Variants in REDIC1 observed in about 807,000 individuals in gnomAD.
The protein encoded by REDIC1 is regulator of DNA class I crossover intermediates 1, also known as HEI10 Interacting Protein 1.
chr12:39,774,006 G>C, the REDIC1 span, among the ~76,000 whole-genome samples: 2 of 152,098 alleles, frequency 1.3e-5, no homozygotes, highest in Admixed American at 1.3e-4. Context: ...GATTTTTCTG[G>C]ACAAGGTCCC....
the REDIC1 span, among the ~76,000 whole-genome samples, chr12:39,728,244 G>C: frequency 6.6e-6 from 1 of 152,148 alleles, no homozygotes; most frequent in Non-Finnish European, 1.5e-5. Flanking sequence ...AATGCTTCCA[G>C]CTTTTGCCCA....
chr12:39,896,574 ATG>A, the REDIC1 span, among the ~76,000 whole-genome samples: 36,559 of 137,226 alleles, frequency 0.27, 5,383 homozygotes, highest in East Asian at 0.62. Context: ...ATATGTATGT[ATG>A]TGTGTATATA....
chr12:39,704,413 C>A, the REDIC1 span, among the ~76,000 whole-genome samples: 1 of 152,058 alleles, frequency 6.6e-6, no homozygotes, highest in African/African-American at 2.4e-5. Flanking sequence ...ATTAAAAAGT[C>A]AGGAAACAAC....
At chr12:39,796,554 G>A in the REDIC1 span, among the ~76,000 whole-genome samples, 5 of 152,000 alleles carry the variant, frequency 3.3e-5, no homozygotes, top group Admixed American at 3.3e-4. Context: ...CCCATGAGCT[G>A]GGAGCTGGCA....
chr12:39,719,487 G>T, the REDIC1 span, among the ~76,000 whole-genome samples: 1 of 151,734 alleles, frequency 6.6e-6, no homozygotes, highest in Admixed American at 6.6e-5. Context: ...GGTGGCGTGT[G>T]CCTATGGTCC....
At chr12:39,897,309 T>C in the REDIC1 span, among the ~76,000 whole-genome samples, 2 of 152,156 alleles carry the variant, frequency 1.3e-5, no homozygotes, top group Non-Finnish European at 2.9e-5. Context: ...GCACAGACTA[T>C]CTGAAAGATA....
the REDIC1 span, among the ~76,000 whole-genome samples, chr12:39,667,191 C>G: frequency 2.0e-5 from 3 of 152,124 alleles, no homozygotes; most frequent in Admixed American, 1.3e-4. Context: ...CCTGCTTTCT[C>G]TTGTGGGCAT....
chr12:39,735,989 A>G, the REDIC1 span, among the ~76,000 whole-genome samples: 1 of 152,250 alleles, frequency 6.6e-6, no homozygotes, highest in Admixed American at 6.5e-5. Flanking sequence ...AAGGGGACAG[A>G]GACAGACCAT....
the REDIC1 span, among the ~76,000 whole-genome samples, chr12:39,701,505 C>T: frequency 6.6e-6 from 1 of 152,066 alleles, no homozygotes; most frequent in African/African-American, 2.4e-5. Context: ...CTTTAACACC[C>T]CACTGTCAAC....
chr12:39,740,905 G>C, the REDIC1 span, among the ~76,000 whole-genome samples: 1 of 152,054 alleles, frequency 6.6e-6, no homozygotes, highest in African/African-American at 2.4e-5. Flanking sequence ...TATATTATCT[G>C]AATAAACCAT....
At chr12:39,749,040 G>A in the REDIC1 span, among the ~76,000 whole-genome samples, 364 of 152,182 alleles carry the variant, frequency 2.4e-3, 2 homozygotes, top group African/African-American at 8.2e-3. Context: ...ACATTCAAAA[G>A]CTAGCAGAAG....
chr12:39,701,931 T>C, the REDIC1 span, among the ~76,000 whole-genome samples: 1 of 152,012 alleles, frequency 6.6e-6, no homozygotes, highest in Non-Finnish European at 1.5e-5. Context: ...CTGGGACACA[T>C]TTAAAGCAGT....
chr12:39,779,480 CT>C, the REDIC1 span, among the ~76,000 whole-genome samples: 1 of 152,256 alleles, frequency 6.6e-6, no homozygotes, highest in African/African-American at 2.4e-5. Flanking sequence ...ATTATCTTCC[CT>C]TTTCCTTCCC....
the REDIC1 span, among the ~76,000 whole-genome samples, chr12:39,875,905 T>G: frequency 6.6e-6 from 1 of 152,208 alleles, no homozygotes; most frequent in African/African-American, 2.4e-5. Flanking sequence ...TAGTTTGCAT[T>G]TTCAAGGGAC....
chr12:39,730,283 A>G, the REDIC1 span, among the ~76,000 whole-genome samples: 1 of 152,200 alleles, frequency 6.6e-6, no homozygotes, highest in Non-Finnish European at 1.5e-5. Context: ...ACATTTTTGC[A>G]GTGGCTGCTA....
chr12:39,733,863 C>G, the REDIC1 span, among the ~76,000 whole-genome samples: 1 of 152,218 alleles, frequency 6.6e-6, no homozygotes, highest in African/African-American at 2.4e-5. Flanking sequence ...ATCTGCTGAA[C>G]TAGGCTACTT....
chr12:39,765,998 A>T, the REDIC1 span, among the ~76,000 whole-genome samples: 2 of 152,058 alleles, frequency 1.3e-5, no homozygotes, highest in Non-Finnish European at 2.9e-5. Context: ...TGTGCTCCGT[A>T]TAATGCATTG....
chr12:39,712,958 C>T, the REDIC1 span, among the ~76,000 whole-genome samples: 10 of 99,512 alleles, frequency 1.0e-4, no homozygotes, highest in African/African-American at 3.2e-4. Context: ...TACATATATG[C>T]ATATACGTGT....
chr12:39,760,513 T>G, the REDIC1 span, among the ~76,000 whole-genome samples: 1 of 152,000 alleles, frequency 6.6e-6, no homozygotes, highest in Non-Finnish European at 1.5e-5. Context: ...TTGAAGCCTT[T>G]CCTCCCTTCC....
Sources: gnomAD v4.1 joint callset for allele counts (sites outside exome capture counted in the v4.1 genomes callset) on GRCh38, gnomAD v4.1.1 for gene constraint, MANE v1.5 for transcripts, NCBI Gene and HGNC (gene_info 2026-07-23, HGNC 2026-07-21) for gene names.